The following SLC4A4 variants were observed in gnomAD, a reference collection of about 807,000 sequenced individuals.
SLC4A4 encodes the protein solute carrier family 4 member 4, also known as electrogenic sodium bicarbonate cotransporter 1.
SLC4A4 carries 27 observed loss-of-function variants against 111.5 expected under a neutral mutation model. That is an observed-to-expected ratio of 0.24 (90% CI 0.18 to 0.33). The LOEUF (loss-of-function observed/expected upper bound fraction) is 0.33, where lower values mean the gene tolerates loss of function less well. SLC4A4 is among the 10% of genes least tolerant of loss of function. SLC4A4 has a pLI of 1.00. For missense variants in SLC4A4, 909 were observed against 1,315.5 expected (o/e 0.69, Z 4.78); for synonymous variants, 443 against 463.4 (o/e 0.96, Z 0.57).
At chr4:71,548,727 C>A (rs748380918) in intron 20 of SLC4A4, among the ~76,000 whole-genome samples, 3 of 151,692 alleles carry the variant, frequency 2.0e-5, no homozygotes, top group Non-Finnish European at 4.4e-5. Context: ...AGTAATGGGG[C>A]AGTACAATCT....
At chr4:71,447,792 G>A in intron 9 of SLC4A4, 59 bp downstream of exon 9, 1 of 1,060,896 alleles carries the variant, frequency 9.4e-7, no homozygotes. Flanking sequence ...GTCATACTGT[G>A]AATTGGCTGT....
intron 1 of SLC4A4, among the ~76,000 whole-genome samples, chr4:71,220,387 A>G (rs763066876): frequency 6.6e-5 from 10 of 152,202 alleles, no homozygotes; most frequent in African/African-American, 1.2e-4. Flanking sequence ...CAAAAATTTC[A>G]TGTGACTCGC....
At chr4:71,228,647 T>C (rs1719202287) in intron 1 of SLC4A4, among the ~76,000 whole-genome samples, 1 of 152,196 alleles carries the variant, frequency 6.6e-6, no homozygotes, top group African/African-American at 2.4e-5. Context: ...GACCAGCTGA[T>C]TGTACCTGAC....
chr4:71,466,397 A>C, intron 12 of SLC4A4, 47 bp from the exon 13 acceptor site: 1 of 1,610,932 alleles, frequency 6.2e-7, no homozygotes, highest in Non-Finnish European at 8.5e-7. Context: ...ACAAATGAGA[A>C]GAAAAAAGAT....
chr4:71,552,234 G>C (rs1465639254), intron 20 of SLC4A4, among the ~76,000 whole-genome samples: 1 of 151,866 alleles, frequency 6.6e-6, no homozygotes, highest in East Asian at 1.9e-4. Flanking sequence ...GATAAGAAAA[G>C]TTAGTAATTT....
intron 2 of SLC4A4, among the ~76,000 whole-genome samples, chr4:71,121,340 T>A (rs956692442): frequency 6.6e-6 from 1 of 152,132 alleles, no homozygotes; most frequent in Non-Finnish European, 1.5e-5. Flanking sequence ...TGCACGGCGC[T>A]GGACTGAGGA....
upstream of SLC4A4, among the ~76,000 whole-genome samples, chr4:71,185,214 C>T (rs1004874014): frequency 3.9e-5 from 6 of 152,174 alleles, no homozygotes; most frequent in African/African-American, 1.2e-4. Context: ...GGCTGCTTCA[C>T]GATTATAATG....
intron 12 of SLC4A4, among the ~76,000 whole-genome samples, chr4:71,463,358 T>C (rs767441007): frequency 2.0e-5 from 3 of 152,218 alleles, no homozygotes; most frequent in Non-Finnish European, 4.4e-5. Context: ...TAGTTCACCT[T>C]ATAAATTGCT....
intron 1 of SLC4A4, among the ~76,000 whole-genome samples, chr4:71,197,145 G>T (rs574913394): frequency 3.9e-5 from 6 of 152,146 alleles, no homozygotes; most frequent in African/African-American, 1.4e-4. Context: ...AACCTGGTAG[G>T]TGGGGGTTGC....
chr4:71,333,505 C>T (rs1728185584), intron 3 of SLC4A4, among the ~76,000 whole-genome samples: 1 of 152,318 alleles, frequency 6.6e-6, no homozygotes, highest in Admixed American at 6.5e-5. Context: ...AGCATTGGAT[C>T]TCACCCAAGG....
intron 3 of SLC4A4, among the ~76,000 whole-genome samples, chr4:71,336,526 AG>A (rs2148885734): frequency 6.6e-6 from 1 of 152,348 alleles, no homozygotes; most frequent in East Asian, 1.9e-4. Context: ...TATCAGGAGT[AG>A]TTTGAATAGT....
At chr4:71,342,637 A>G (rs1424353910) in intron 4 of SLC4A4, among the ~76,000 whole-genome samples, 1 of 152,194 alleles carries the variant, frequency 6.6e-6, no homozygotes, top group East Asian at 1.9e-4. Flanking sequence ...GTGAGTTGTT[A>G]TCATAGAGTA....
intron 2 of SLC4A4, among the ~76,000 whole-genome samples, chr4:71,238,724 T>C (rs1319758080): frequency 6.6e-6 from 1 of 152,218 alleles, no homozygotes; most frequent in Non-Finnish European, 1.5e-5. Flanking sequence ...CTTGAAATTA[T>C]AGTAATTGCT....
At chr4:71,125,893 T>A (rs1743549216) in intron 2 of SLC4A4, among the ~76,000 whole-genome samples, 4 of 152,194 alleles carry the variant, frequency 2.6e-5, no homozygotes, top group Non-Finnish European at 5.9e-5. Flanking sequence ...TCACTCATTT[T>A]AAGAAGCAGG....
At chr4:71,201,729 C>T (rs1287334822) in intron 1 of SLC4A4, among the ~76,000 whole-genome samples, 1 of 152,146 alleles carries the variant, frequency 6.6e-6, no homozygotes, top group South Asian at 2.1e-4. Context: ...GCTGTTAATA[C>T]TCTCCTTATT....
At chr4:71,403,936 C>T (rs1720606429) in intron 7 of SLC4A4, among the ~76,000 whole-genome samples, 1 of 152,026 alleles carries the variant, frequency 6.6e-6, no homozygotes, top group Admixed American at 6.6e-5. Context: ...CCATAAGAGC[C>T]CATTTCTTAA....
chr4:71,254,635 TATTTTGCTG>T, intron 2 of SLC4A4, among the ~76,000 whole-genome samples: 1 of 151,878 alleles, frequency 6.6e-6, no homozygotes, highest in East Asian at 1.9e-4. Context: ...TCTAAGTCTC[TATTTTGCTG>T]ATTAGGTAAA....
intron 4 of SLC4A4, among the ~76,000 whole-genome samples, chr4:71,345,386 C>T (rs1357892491): frequency 6.6e-6 from 1 of 152,012 alleles, no homozygotes; most frequent in Non-Finnish European, 1.5e-5. Flanking sequence ...GTCAGTTTCT[C>T]TTCAGTGAAT....
chr4:71,268,255 A>T (rs1197308385), intron 3 of SLC4A4, among the ~76,000 whole-genome samples: 2 of 152,086 alleles, frequency 1.3e-5, no homozygotes, highest in African/African-American at 4.8e-5. Flanking sequence ...TTAGAAGTAT[A>T]GAAGGTTGGA....
Sources: gnomAD v4.1 joint callset for allele counts (sites outside exome capture counted in the v4.1 genomes callset) on GRCh38, gnomAD v4.1.1 for gene constraint, MANE v1.5 for transcripts, NCBI Gene and HGNC (gene_info 2026-07-23, HGNC 2026-07-21) for gene names.